The following PRKDC variants were observed in gnomAD, a reference collection of about 807,000 sequenced individuals.
The protein encoded by PRKDC is DNA-dependent protein kinase catalytic subunit.
In PRKDC, 82 loss-of-function variants were observed where a neutral mutation model predicts 486.9. The ratio of observed to expected loss-of-function variants is 0.17; its 90% CI spans 0.14 to 0.20. PRKDC has a LOEUF of 0.20. PRKDC is among the 10% of genes least tolerant of loss of function. The pLI is 1.00. For synonymous variants in PRKDC, 1,895 were observed against 1,837.0 expected (o/e 1.03, Z -0.81); for missense variants, 4,504 against 5,038.2 (o/e 0.89, Z 3.21).
intron 68 of PRKDC, among the ~76,000 whole-genome samples, chr8:47,811,976 AC>A (rs2087337745): frequency 6.6e-6 from 1 of 152,026 alleles, no homozygotes; most frequent in South Asian, 2.1e-4. Context: ...AAATTCCATC[AC>A]AAAAAAAAAG....
At chr8:47,894,399 A>G (rs577614766) in intron 30 of PRKDC, among the ~76,000 whole-genome samples, 3 of 152,370 alleles carry the variant, frequency 2.0e-5, no homozygotes, top group African/African-American at 7.2e-5. Context: ...ATAGTAAGAT[A>G]TTTAAATTCT....
In PRKDC at chr8:47,828,271, G is replaced by A. The variant is rs776666254; in HGVS notation, c.8474C>T (p.Thr2825Ile). Residue 2825 changes from threonine to isoleucine, a missense_variant, in exon 62 of 86, where the codon ACA (threonine) becomes ATA (isoleucine). This residue lies in a region of PRKDC where 1,592 missense variants were observed against 1,724.6 expected (regional missense o/e 0.92). Transcript: ENST00000314191. Reference protein sequence around the residue: ...GILKEMDKFKTLSEKNNITQK... With the variant: ...GILKEMDKFKILSEKNNITQK... ...AGTGATGTTGTTTTTTTCAGACAGT[G>A]TCTTAAATTTATCCATCTCTTTCAA... 2.3e-5 allele frequency: 37 copies of A among 1,611,478 alleles called. No individual in the cohort carries two copies. The highest frequency in any genetic ancestry group is 8.4e-5 in the Admixed American group (5 of 59,638).
intron 49 of PRKDC, among the ~76,000 whole-genome samples, chr8:47,855,720 C>T (rs780996566): frequency 8.5e-5 from 13 of 152,220 alleles, no homozygotes; most frequent in Non-Finnish European, 1.5e-4. Flanking sequence ...CATGAAGGTG[C>T]TTTCCCCACT....
chr8:47,826,589 C>A, intron 63 of PRKDC, 67 bp downstream of exon 63: 1 of 1,460,418 alleles, frequency 6.8e-7, no homozygotes, highest in South Asian at 1.3e-5. Context: ...CAAATGAAGC[C>A]AAGTGTTTTC....
intron 58 of PRKDC, among the ~76,000 whole-genome samples, chr8:47,835,980 C>G (rs1032481083): frequency 2.6e-5 from 4 of 152,142 alleles, no homozygotes; most frequent in African/African-American, 9.7e-5. Flanking sequence ...GTTGCCCAGG[C>G]TGGTGCGGAA....
At chr8:47,906,911 T>C (rs2089793482) in intron 25 of PRKDC, among the ~76,000 whole-genome samples, 1 of 151,562 alleles carries the variant, frequency 6.6e-6, no homozygotes, top group Non-Finnish European at 1.5e-5. Context: ...GCTATTTTTT[T>C]CCCCTAATAC....
At chr8:47,826,093 C>T (rs1298314903) in intron 63 of PRKDC, among the ~76,000 whole-genome samples, 1 of 152,174 alleles carries the variant, frequency 6.6e-6, no homozygotes, top group Non-Finnish European at 1.5e-5. Context: ...AAAATCTGCA[C>T]TACAAAATGA....
At chr8:47,847,211 C>T (rs1221743580) in intron 54 of PRKDC, among the ~76,000 whole-genome samples, 1 of 152,116 alleles carries the variant, frequency 6.6e-6, no homozygotes, top group Non-Finnish European at 1.5e-5. Context: ...AAGAACAAAG[C>T]CAGAACATCG....
chr8:47,933,830 T>G (rs1345374874), intron 15 of PRKDC, 135 bp downstream of exon 15: 2 of 973,674 alleles, frequency 2.1e-6, no homozygotes, highest in Non-Finnish European at 2.8e-6. Flanking sequence ...GGTTTTAATT[T>G]TTTATTTTTG....
intron 69 of PRKDC, among the ~76,000 whole-genome samples, chr8:47,804,188 G>A (rs1407565445): frequency 6.6e-6 from 1 of 151,880 alleles, no homozygotes; most frequent in South Asian, 2.1e-4. Flanking sequence ...TTTGTGTCTC[G>A]CATCTTTTAC....
intron 11 of PRKDC, among the ~76,000 whole-genome samples, chr8:47,937,019 C>T (rs2090364172): frequency 1.3e-5 from 2 of 149,840 alleles, no homozygotes; most frequent in African/African-American, 2.5e-5. Flanking sequence ...TTTGGGAGGC[C>T]GAGGCGGGCA....
At chr8:47,822,507 T>A (rs991953271) in intron 64 of PRKDC, among the ~76,000 whole-genome samples, 2 of 152,168 alleles carry the variant, frequency 1.3e-5, no homozygotes, top group African/African-American at 4.8e-5. Flanking sequence ...CCTGGGCTGC[T>A]CGGCTGGGAG....
chr8:47,930,226 T>A (rs980284215), intron 17 of PRKDC, among the ~76,000 whole-genome samples: 1 of 152,244 alleles, frequency 6.6e-6, no homozygotes, highest in Non-Finnish European at 1.5e-5. Context: ...CTTAGATATA[T>A]TTTAAAGATC....
intron 29 of PRKDC, among the ~76,000 whole-genome samples, chr8:47,897,717 CTG>C (rs2089607099): frequency 6.6e-6 from 1 of 152,186 alleles, no homozygotes; most frequent in African/African-American, 2.4e-5. Flanking sequence ...GCCCAGCAAT[CTG>C]TGTTTTAACT....
At chr8:47,929,470 G>A (rs899606524) in intron 18 of PRKDC, among the ~76,000 whole-genome samples, 7 of 152,324 alleles carry the variant, frequency 4.6e-5, no homozygotes, top group South Asian at 2.1e-4. Context: ...TGACTGGAGC[G>A]TCGAGAATGC....
chr8:47,834,945 C>T lies in PRKDC; in HGVS notation c.7952-549G>A, dbSNP rs919245828. Among the ~76,000 whole-genome samples, 10 of 152,200 alleles carry T rather than the reference C, an allele frequency of 6.6e-5. 1 individual carries two copies. In the South Asian group the frequency reaches 8.3e-4, roughly 13 times the overall value. On this transcript the variant is annotated intron_variant, in intron 58 of 85. Coordinates refer to ENST00000314191, the MANE Select transcript of PRKDC (RefSeq NM_006904.7). ...GACCTCGTGATCCGCCCGCCTCGGC[C>T]GCCCAAAGTGCTGGGATTACAGGCG...
intron 58 of PRKDC, 83 bp downstream of exon 58, chr8:47,836,255 A>C: frequency 7.7e-7 from 1 of 1,297,128 alleles, no homozygotes; most frequent in Non-Finnish European, 1.0e-6. Flanking sequence ...CTTCTCTCAC[A>C]AAAGCCCAAC....
intron 69 of PRKDC, 43 bp from the exon 70 acceptor site, chr8:47,803,523 C>T (rs1369199469): frequency 1.0e-5 from 16 of 1,593,040 alleles, no homozygotes; most frequent in Non-Finnish European, 1.4e-5. Flanking sequence ...TATGATGATA[C>T]ACAAGTGACA....
Position 47,778,540 on chromosome 8 carries a change from A to G in PRKDC, c.11772T>C (p.His3924=), listed in dbSNP as rs777416090. Residue 3924 remains histidine, a synonymous_variant, in exon 83 of 86, where the codon CAT becomes CAC. Coordinates refer to ENST00000314191, the MANE Select transcript of PRKDC (RefSeq NM_006904.7). Reference sequence around the variant, plus strand: ...CCATGGCCACCATAAAGTTGTTCAGATGTCTGTCTCCAATCCCGAGGATCC... The same window carrying G: ...CCATGGCCACCATAAAGTTGTTCAGGTGTCTGTCTCCAATCCCGAGGATCC... The part of the protein sequence containing the change: ...SHWILGIGDR[H]LNNFMVAMET... 10 of 1,613,860 alleles carry G rather than the reference A, an allele frequency of 6.2e-6. No homozygotes were observed. The highest frequency in any genetic ancestry group is 8.5e-6 in the Non-Finnish European group (10 of 1,179,852).
Sources: gnomAD v4.1 joint callset for allele counts (sites outside exome capture counted in the v4.1 genomes callset) on GRCh38, gnomAD v4.1.1 for gene constraint, gnomAD v4.1.1 regional missense constraint, MANE v1.5 for transcripts, NCBI Gene and HGNC (gene_info 2026-07-23, HGNC 2026-07-21) for gene names.